BBS7: variants seen among roughly 807,000 people sequenced by gnomAD.
BBS7 encodes the protein Bardet-Biedl syndrome 7.
In BBS7, 50 loss-of-function variants were observed where a neutral mutation model predicts 90.3. The observed-to-expected ratio is 0.55, with a 90% CI of 0.44 to 0.70. The LOEUF is 0.70. Ranked by LOEUF, BBS7 falls within the 30% of genes least tolerant of loss-of-function variation. The pLI, the probability that BBS7 is intolerant of heterozygous loss-of-function variation, is 0.00. For missense variants in BBS7, 729 were observed against 838.9 expected (o/e 0.87, Z 1.62); for synonymous variants, 235 against 287.4 (o/e 0.82, Z 1.85).
At position 121,848,870 on chromosome 4, in the gene BBS7, T is replaced by A. The variant is rs1261951183; in HGVS notation, c.908A>T (p.Asp303Val). 5 of 1,613,848 alleles carry A rather than the reference T, an allele frequency of 3.1e-6. No individual in the cohort carries two copies. In the African/African-American group the frequency reaches 5.3e-5, roughly 17 times the overall value. The change falls in exon 9 of 19, where the codon GAT (aspartate) becomes GTT (valine). Residue 303 changes from aspartate to valine, a missense_variant. Transcript: ENST00000264499. The part of the protein sequence containing the change: ...QGGCVGKDSY[D>V]EIVVSTYSGW... ...TGAATATGTGGACACCACGATTTCA[T>A]CATAGCTGTCTTTTCCTACACAACC...
rs541211562 is a variant in BBS7 at position 121,850,298 on chromosome 4, G to A, written c.850-1370C>T. On this transcript the variant is annotated intron_variant, in intron 8 of 18. Coordinates refer to ENST00000264499, the MANE Select transcript of BBS7 (RefSeq NM_176824.3). ...TCCCACCTTGGCCTTCCAAGTAGCT[G>A]GGACTACAGGTGTACACCACCATGC... Among the ~76,000 whole-genome samples the A allele has an allele frequency of 5.3e-5, 8 of 151,906 alleles. No homozygotes were observed. The South Asian group carries it at 1.7e-3, about 32-fold the overall frequency.
rs1725516096 is a variant in BBS7 at position 121,837,475 on chromosome 4, T to G, written c.1371+2156A>C. On this transcript the variant is annotated intron_variant, in intron 13 of 18. Transcript: ENST00000264499. The stretch of plus-strand genomic sequence containing the variant: ...AAGATAATAATTCATTTAATTTTCT[T>G]CTAGATGGATGCCAGTTGTGCCAAC... Among the ~76,000 whole-genome samples the G allele has an allele frequency of 2.6e-5, 4 of 152,274 alleles. No homozygotes were observed. The South Asian group carries it at 8.3e-4, about 32-fold the overall frequency.
chr4:121,852,960 T>C lies in BBS7; in HGVS notation c.845A>G (p.Asp282Gly), dbSNP rs764774373. Residue 282 changes from aspartate to glycine, a missense_variant, in exon 8 of 19, where the codon GAT becomes GGT. Coordinates refer to ENST00000264499, the MANE Select transcript of BBS7 (RefSeq NM_176824.3). ...DNANEPVLRF[D>G]QMLSESVTSI... ...AGTCTTTTTTAATGAACTTACCTGATCAAATCGTAGAACAGGTTCATTTGC... is the reference window on the plus strand; with the variant it reads ...AGTCTTTTTTAATGAACTTACCTGACCAAATCGTAGAACAGGTTCATTTGC... 2 of 1,613,660 alleles carry C rather than the reference T, an allele frequency of 1.2e-6. No individual in the cohort carries two copies. The highest frequency in any genetic ancestry group is 4.5e-5 in the East Asian group (2 of 44,816).
At chr4:121,836,982 T>C (rs974251691) in intron 13 of BBS7, among the ~76,000 whole-genome samples, 3 of 151,330 alleles carry the variant, frequency 2.0e-5, no homozygotes, top group East Asian at 1.9e-4. Context: ...TTTTTTGAGA[T>C]AGAGTCTCAC....
At chr4:121,856,446 G>T (rs1422715391) in intron 5 of BBS7, among the ~76,000 whole-genome samples, 1 of 152,118 alleles carries the variant, frequency 6.6e-6, no homozygotes, top group Non-Finnish European at 1.5e-5. Context: ...ATGGGGTGTG[G>T]TGGCTTATGC....
intron 4 of BBS7, 155 bp downstream of exon 4, chr4:121,861,349 G>T: frequency 2.9e-6 from 2 of 686,756 alleles, no homozygotes; most frequent in South Asian, 2.2e-5. Context: ...ATTTAATATT[G>T]ATTGTAGGTC....
At chr4:121,834,364 A>G (rs1033168500) in intron 14 of BBS7, among the ~76,000 whole-genome samples, 1 of 152,196 alleles carries the variant, frequency 6.6e-6, no homozygotes, top group Non-Finnish European at 1.5e-5. Flanking sequence ...CAAGACAGAA[A>G]GAGTCTGTTC....
intron 15 of BBS7, among the ~76,000 whole-genome samples, chr4:121,832,762 G>A (rs554527177): frequency 2.6e-5 from 4 of 152,254 alleles, no homozygotes; most frequent in Admixed American, 6.5e-5. Flanking sequence ...ATTGGAATTA[G>A]GATAAATATT....
chr4:121,833,285 A>C lies in BBS7; in HGVS notation c.1622T>G (p.Val541Gly), dbSNP rs1350799770. The C allele has an allele frequency of 6.2e-7, 1 of 1,614,008 alleles. No homozygotes were observed. The highest frequency in any genetic ancestry group is 1.1e-5 in the South Asian group (1 of 91,080). ...VPEKPPAGECVTFYFQNTFLD... is the reference protein window; with the variant it reads ...VPEKPPAGECGTFYFQNTFLD... ...AAAGGTGTTCTGAAAGTAAAATGTCACACATTCTCCTGCTGGAGGTTTTTC... is the reference window on the plus strand; with the variant it reads ...AAAGGTGTTCTGAAAGTAAAATGTCCCACATTCTCCTGCTGGAGGTTTTTC... The change falls in exon 15 of 19, where the codon GTG becomes GGG. Residue 541 changes from valine to glycine, a missense_variant. Physicochemically the swap from Val to Gly is moderately radical, Grantham distance 109 (BLOSUM62 -3). Transcript: ENST00000264499.
intron 13 of BBS7, among the ~76,000 whole-genome samples, chr4:121,837,225 C>T (rs530909637): frequency 3.9e-4 from 59 of 152,254 alleles, no homozygotes; most frequent in African/African-American, 1.4e-3. Flanking sequence ...CCTTGGCCTC[C>T]CAAAGTGCTA....
intron 1 of BBS7, among the ~76,000 whole-genome samples, chr4:121,868,877 G>C (rs1035104049): frequency 2.0e-5 from 3 of 151,800 alleles, no homozygotes. Flanking sequence ...GAGAGGAATT[G>C]GTGAAAACAA....
intron 5 of BBS7, among the ~76,000 whole-genome samples, chr4:121,855,791 CGT>C (rs1560660935): frequency 4.2e-4 from 62 of 147,768 alleles, no homozygotes; most frequent in African/African-American, 1.5e-3. Context: ...TACATATATA[CGT>C]ATATATACAG....
At position 121,825,140 on chromosome 4, in the gene BBS7, C is replaced by G. The variant is rs538797584; in HGVS notation, c.*720G>C. On this transcript the variant is annotated 3_prime_UTR_variant, in exon 19 of 19. Coordinates refer to ENST00000264499, the MANE Select transcript of BBS7 (RefSeq NM_176824.3). Reference sequence around the variant, plus strand: ...CATGTCTAATTAAGATCCCCCGACTCTGTGTAAGCTCTTCTTATTTCCTGG... The same window carrying G: ...CATGTCTAATTAAGATCCCCCGACTGTGTGTAAGCTCTTCTTATTTCCTGG... The G allele has an allele frequency of 1.3e-5, 2 of 152,294 alleles. No homozygotes were observed. Among genetic ancestry groups the G allele is most frequent in the South Asian group, 2.1e-4 (1 of 4,834 alleles). The allele number at this position is 152,294 out of a possible 1,614,324, so 9.4% of individuals were successfully genotyped here.
In BBS7 at chr4:121,848,939, T is replaced by A. The variant is rs1340281280; in HGVS notation, c.850-11A>T. ...GCTTTCAGACAACATCTAAAAAAGTTTAAGACCAAGCACTTCATTAGTAAC... is the reference window on the plus strand; with the variant it reads ...GCTTTCAGACAACATCTAAAAAAGTATAAGACCAAGCACTTCATTAGTAAC... On this transcript the variant is annotated splice_polypyrimidine_tract_variant and intron_variant, in intron 8 of 18. Coordinates refer to ENST00000264499, the MANE Select transcript of BBS7 (RefSeq NM_176824.3). 1 of 1,611,410 alleles carries A rather than the reference T, an allele frequency of 6.2e-7. No homozygotes were observed. Among genetic ancestry groups the A allele is most frequent in the Admixed American group, 1.7e-5 (1 of 60,014 alleles).
chr4:121,829,149 C>G (rs938813591), intron 15 of BBS7, among the ~76,000 whole-genome samples: 2 of 152,016 alleles, frequency 1.3e-5, no homozygotes, highest in African/African-American at 4.8e-5. Context: ...TAAAAGAAAT[C>G]TGATATCAAA....
chr4:121,866,912 G>A (rs528279539), intron 2 of BBS7, among the ~76,000 whole-genome samples: 31 of 151,844 alleles, frequency 2.0e-4, no homozygotes, highest in Non-Finnish European at 4.0e-4. Context: ...TGGCTATTTG[G>A]GGTCTTTGTG....
Position 121,861,542 on chromosome 4 carries a change from G to A in BBS7, c.303C>T (p.Leu101=). 1 of 1,613,640 alleles carries A rather than the reference G, an allele frequency of 6.2e-7. No homozygotes were observed. Reference sequence around the variant, plus strand: ...TTTCAGTGAGGTTTGTTTCAAAGGAGAGGAACTGTTTTCCTCTTTTTGTGA... The same window carrying A: ...TTTCAGTGAGGTTTGTTTCAAAGGAAAGGAACTGTTTTCCTCTTTTTGTGA... ...RGFTKRGKQF[L]SFETNLTESI... Residue 101 remains leucine (L), a synonymous_variant, in exon 4 of 19, where the codon CTC becomes CTT. Transcript: ENST00000264499.
Position 121,835,280 on chromosome 4 carries a change from G to T in BBS7, c.1375C>A (p.Arg459Ser), listed in dbSNP as rs150743868. The change falls in exon 14 of 19, where the codon CGC (arginine) becomes AGC (serine). Residue 459 changes from arginine to serine, a missense_variant. Physicochemically the swap from Arg to Ser is moderately radical, Grantham distance 110 (BLOSUM62 -1). Coordinates refer to ENST00000264499, the MANE Select transcript of BBS7 (RefSeq NM_176824.3). ...ADTTRLELKI[R>S]SIEGQYGTLQ... ...GTGCCATACTGGCCTTCAATTGAGCGAATCTGATTCAACACAAAAGAGGAA... is the reference window on the plus strand; with the variant it reads ...GTGCCATACTGGCCTTCAATTGAGCTAATCTGATTCAACACAAAAGAGGAA... 1 of 1,613,486 alleles carries T rather than the reference G, an allele frequency of 6.2e-7. No homozygotes were observed. Among genetic ancestry groups the T allele is most frequent in the Admixed American group, 1.7e-5 (1 of 59,928 alleles).
At chr4:121,865,368 A>G (rs957449124) in intron 2 of BBS7, among the ~76,000 whole-genome samples, 1 of 151,748 alleles carries the variant, frequency 6.6e-6, no homozygotes, top group Non-Finnish European at 1.5e-5. Context: ...CCCCCCAAGT[A>G]GCTGGAATTA....
Sources: allele counts gnomAD v4.1 joint callset (sites outside exome capture counted in the v4.1 genomes callset), GRCh38; gene constraint gnomAD v4.1.1; transcripts MANE v1.5; gene names NCBI Gene and HGNC (gene_info 2026-07-23, HGNC 2026-07-21).